Variants in PTPRD observed in about 807,000 individuals in gnomAD.
PTPRD encodes the protein protein tyrosine phosphatase receptor type D.
Under a neutral mutation model 214.5 loss-of-function variants are expected in PTPRD, and 34 were observed. That is an observed-to-expected ratio of 0.16 (90% CI 0.12 to 0.21). PTPRD has a LOEUF of 0.21. Among genes scored for constraint, PTPRD ranks in the 10% least tolerant of loss-of-function variants. The pLI is 1.00. For synonymous variants in PTPRD, 1,128 were observed against 845.7 expected, an observed-to-expected ratio of 1.33 and a Z score of -5.79; for missense variants, 2,545 against 2,398.7, an observed-to-expected ratio of 1.06 and a Z score of -1.27.
chr9:8,744,954 T>A lies in PTPRD; in HGVS notation c.-103-11008A>T, dbSNP rs534601085. ...ATGACTATCAAACCAAACAGAAACA[T>A]AAAATCTAAAGAAAGGTAAAGAGGA... On this transcript the variant is annotated intron_variant, in intron 11 of 45. Transcript: ENST00000381196. 6.0e-4 allele frequency among the ~76,000 whole-genome samples: 91 copies of A among 152,066 alleles called. 1 individual carries two copies. Among genetic ancestry groups the A allele is most frequent in the Admixed American group, 3.9e-3 (60 of 15,254 alleles).
intron 5 of PTPRD, among the ~76,000 whole-genome samples, chr9:9,908,585 G>T (rs530647706): frequency 6.6e-6 from 1 of 151,984 alleles, no homozygotes; most frequent in Non-Finnish European, 1.5e-5. Flanking sequence ...AGTATTAAAC[G>T]TTCTGGATGA....
chr9:10,413,603 A>T (rs913107783), intron 2 of PTPRD, among the ~76,000 whole-genome samples: 1 of 151,998 alleles, frequency 6.6e-6, no homozygotes, highest in Non-Finnish European at 1.5e-5. Flanking sequence ...AACTAGAAAA[A>T]CTATTTAAAA....
chr9:9,098,249 C>T (rs970174279), intron 10 of PTPRD, among the ~76,000 whole-genome samples: 4 of 151,994 alleles, frequency 2.6e-5, no homozygotes, highest in African/African-American at 9.7e-5. Context: ...ATTCTTTTGT[C>T]CATAAATAGA....
chr9:9,096,581 T>C (rs1467645650), intron 10 of PTPRD, among the ~76,000 whole-genome samples: 2 of 152,158 alleles, frequency 1.3e-5, no homozygotes, highest in Admixed American at 6.5e-5. Flanking sequence ...GATGATTTCT[T>C]TTTTTTAAAA....
chr9:10,598,715 T>TGTG (rs761796983), intron 2 of PTPRD, among the ~76,000 whole-genome samples: 10 of 69,174 alleles, frequency 1.4e-4, no homozygotes, highest in East Asian at 1.5e-3. Context: ...GTGTGTGGTG[T>TGTG]GTGTGTGTGT....
At chr9:10,545,664 T>C (rs887114557) in intron 2 of PTPRD, among the ~76,000 whole-genome samples, 16 of 152,100 alleles carry the variant, frequency 1.1e-4, no homozygotes, top group African/African-American at 3.4e-4. Context: ...TGTAAAGAAA[T>C]AACTGAATGT....
intron 10 of PTPRD, among the ~76,000 whole-genome samples, chr9:9,051,309 G>T (rs190802719): frequency 1.3e-5 from 2 of 152,240 alleles, no homozygotes; most frequent in Admixed American, 1.3e-4. Flanking sequence ...GTTATTTAAA[G>T]TAGGCCCATT....
chr9:10,521,963 G>A (rs1407772426), intron 2 of PTPRD, among the ~76,000 whole-genome samples: 2 of 152,196 alleles, frequency 1.3e-5, no homozygotes, highest in Non-Finnish European at 1.5e-5. Context: ...CACTCTCTCT[G>A]AGGTATGTCT....
chr9:8,739,898 T>G (rs1456031004), intron 11 of PTPRD, among the ~76,000 whole-genome samples: 1 of 152,148 alleles, frequency 6.6e-6, no homozygotes, highest in African/African-American at 2.4e-5. Context: ...AGCTCTTTTC[T>G]CTTGTCTGCT....
intron 2 of PTPRD, among the ~76,000 whole-genome samples, chr9:10,343,499 G>A (rs1369498665): frequency 3.9e-5 from 6 of 152,074 alleles, no homozygotes; most frequent in Admixed American, 3.3e-4. Flanking sequence ...ACCCAGTAAC[G>A]GGATTGCTGG....
rs1276844563 is a variant in PTPRD, at chr9:8,649,334, G to GT, written c.65-12491dup. Reference sequence around the variant, plus strand: ...TTGTAACGCTTGCCTTCCAACCAAAGTGAGTTATTACCACAACTTACAAAA... The same window carrying GT: ...TTGTAACGCTTGCCTTCCAACCAAAGTTGAGTTATTACCACAACTTACAAAA... On this transcript the variant is annotated intron_variant, in intron 12 of 45. Coordinates refer to ENST00000381196, the MANE Select transcript of PTPRD (RefSeq NM_002839.4). Among the ~76,000 whole-genome samples, 3 of 152,192 alleles carry GT rather than the reference G, an allele frequency of 2.0e-5. No individual in the cohort carries two copies. The East Asian group carries it at 5.8e-4, about 29-fold the overall frequency.
chr9:10,556,841 G>A (rs1470939552), intron 2 of PTPRD, among the ~76,000 whole-genome samples: 1 of 152,024 alleles, frequency 6.6e-6, no homozygotes, highest in East Asian at 1.9e-4. Flanking sequence ...CTAATTTTAA[G>A]CAACAGATAG....
chr9:10,391,628 T>C (rs1488099911), intron 2 of PTPRD, among the ~76,000 whole-genome samples: 2 of 151,778 alleles, frequency 1.3e-5, no homozygotes, highest in African/African-American at 4.8e-5. Context: ...AACCTTTCCT[T>C]GCTCCAACCT....
At chr9:9,070,141 A>C (rs1191172285) in intron 10 of PTPRD, among the ~76,000 whole-genome samples, 1 of 152,112 alleles carries the variant, frequency 6.6e-6, no homozygotes, top group East Asian at 1.9e-4. Context: ...ATTTATTCAC[A>C]AGGAAATATT....
At chr9:9,264,885 CAAAGTGATGAAAGAA>C (rs975391155) in intron 9 of PTPRD, among the ~76,000 whole-genome samples, 1 of 122,774 alleles carries the variant, frequency 8.1e-6, no homozygotes, top group Non-Finnish European at 1.7e-5. Context: ...ATGACGTATT[CAAAGTGATGAAAGAA>C]AAAAAAAAAA....
chr9:9,967,515 C>T (rs1371777358), intron 4 of PTPRD, among the ~76,000 whole-genome samples: 2 of 152,040 alleles, frequency 1.3e-5, no homozygotes, highest in Non-Finnish European at 2.9e-5. Flanking sequence ...AGAAGGTATG[C>T]TAGGTAATTT....
chr9:8,832,589 G>A (rs1217191407), intron 11 of PTPRD, among the ~76,000 whole-genome samples: 1 of 151,982 alleles, frequency 6.6e-6, no homozygotes, highest in Non-Finnish European at 1.5e-5. Flanking sequence ...ATGAGAAAGA[G>A]AAAATTAACC....
chr9:9,646,222 T>C (rs1304022357), intron 7 of PTPRD, among the ~76,000 whole-genome samples: 1 of 152,118 alleles, frequency 6.6e-6, no homozygotes, highest in Non-Finnish European at 1.5e-5. Context: ...TGTAGATTTG[T>C]TATCTTGCCT....
intron 10 of PTPRD, among the ~76,000 whole-genome samples, chr9:9,056,500 T>C (rs929493991): frequency 1.3e-5 from 2 of 152,230 alleles, no homozygotes; most frequent in African/African-American, 4.8e-5. Flanking sequence ...ATGATTAGCA[T>C]GGTCATTCTC....
Sources: gnomAD v4.1 joint callset for allele counts (sites outside exome capture counted in the v4.1 genomes callset) on GRCh38, gnomAD v4.1.1 for gene constraint, MANE v1.5 for transcripts, NCBI Gene and HGNC (gene_info 2026-07-23, HGNC 2026-07-21) for gene names.